ZNF613: variants seen among roughly 807,000 people sequenced by gnomAD.
The protein encoded by ZNF613 is zinc finger protein 613.
A neutral mutation model predicts 14.3 loss-of-function variants in ZNF613; 8 were observed. The observed-to-expected ratio is 0.56, with a 90% confidence interval of 0.33 to 1.01. ZNF613 has a LOEUF of 1.01. Among genes scored for constraint, ZNF613 ranks in the 50% least tolerant of loss-of-function variants. The pLI is 0.03. For missense variants in ZNF613, 656 were observed against 741.9 expected, an observed-to-expected ratio of 0.88 and a Z score of 1.35; for synonymous variants, 228 against 254.5, an observed-to-expected ratio of 0.90 and a Z score of 0.99.
intron 2 of ZNF613, among the ~76,000 whole-genome samples, chr19:51,931,520 T>A (rs910624094): frequency 6.6e-6 from 1 of 152,222 alleles, no homozygotes; most frequent in African/African-American, 2.4e-5. Context: ...CCAGAATAGT[T>A]AAAATAGTGA....
At chr19:51,936,734 C>G (rs1463695986) in intron 3 of ZNF613, among the ~76,000 whole-genome samples, 2 of 152,160 alleles carry the variant, frequency 1.3e-5, no homozygotes, top group Non-Finnish European at 2.9e-5. Context: ...ATCTGTCTCC[C>G]TTGGCCTCCC....
At chr19:51,941,849 T>G (rs1048667916) in intron 5 of ZNF613, among the ~76,000 whole-genome samples, 5 of 152,270 alleles carry the variant, frequency 3.3e-5, no homozygotes, top group African/African-American at 1.2e-4. Flanking sequence ...CAATTGATTT[T>G]TGAAGTAGTC....
intron 5 of ZNF613, among the ~76,000 whole-genome samples, chr19:51,940,913 A>AT (rs113907490): frequency 2.4e-4 from 36 of 152,028 alleles, no homozygotes; most frequent in African/African-American, 8.2e-4. Flanking sequence ...ATCACTGTTT[A>AT]TTTTTTATTT....
In ZNF613 at chr19:51,940,247, T is replaced by C. The variant is rs2122819951; in HGVS notation, c.54T>C (p.Thr18=). 6.2e-7 allele frequency: 1 copy of C among 1,613,804 alleles called. No homozygotes were observed. The highest frequency in any genetic ancestry group is 8.5e-7 in the Non-Finnish European group (1 of 1,179,830). ...LTLEDVAVEF[T]WEEWQLLGPA... ...TGGAGGATGTGGCTGTGGAGTTCAC[T>C]TGGGAGGAGTGGCAGCTCCTCGGCC... is the stretch of plus-strand genomic sequence containing the variant. Residue 18 remains threonine, a synonymous_variant, in exon 4 of 6, where the codon ACT becomes ACC. Coordinates refer to ENST00000293471, the MANE Select transcript of ZNF613 (RefSeq NM_001031721.4).
At chr19:51,933,449 T>A (rs1244811131) in intron 2 of ZNF613, among the ~76,000 whole-genome samples, 1 of 152,186 alleles carries the variant, frequency 6.6e-6, no homozygotes, top group Non-Finnish European at 1.5e-5. Flanking sequence ...ACAATTTTTT[T>A]ATTTTTATTT....
chr19:51,935,138 T>C (rs2085296252), intron 2 of ZNF613, among the ~76,000 whole-genome samples: 1 of 152,110 alleles, frequency 6.6e-6, no homozygotes, highest in Non-Finnish European at 1.5e-5. Flanking sequence ...GTGAGCCTCT[T>C]ACTTGAGTTT....
intron 3 of ZNF613, among the ~76,000 whole-genome samples, chr19:51,938,738 A>T (rs2122817351): frequency 6.9e-6 from 1 of 144,816 alleles, no homozygotes; most frequent in Non-Finnish European, 1.5e-5. Flanking sequence ...ATATATATAT[A>T]TATATATATA....
intron 5 of ZNF613, among the ~76,000 whole-genome samples, chr19:51,943,053 G>A (rs1167660902): frequency 6.6e-6 from 1 of 152,208 alleles, no homozygotes; most frequent in Non-Finnish European, 1.5e-5. Flanking sequence ...GTTTTGAGTA[G>A]AAGAGTGACA....
At chr19:51,934,514 T>A (rs894133710) in intron 2 of ZNF613, among the ~76,000 whole-genome samples, 1 of 152,208 alleles carries the variant, frequency 6.6e-6, no homozygotes, top group African/African-American at 2.4e-5. Flanking sequence ...TTATTTTATG[T>A]TTTTTAATTT....
intron 2 of ZNF613, among the ~76,000 whole-genome samples, chr19:51,932,628 G>C (rs2085275475): frequency 6.6e-6 from 1 of 151,910 alleles, no homozygotes; most frequent in South Asian, 2.1e-4. Context: ...TACCTAATCT[G>C]GGTATTTTAT....
At chr19:51,940,030 T>TATAG (rs2085334490) in intron 3 of ZNF613, among the ~76,000 whole-genome samples, 179 bp from the exon 4 acceptor site, 1 of 152,154 alleles carries the variant, frequency 6.6e-6, no homozygotes, top group African/African-American at 2.4e-5. Context: ...AGATTTTGAA[T>TATAG]ATAGATAGAT....
chr19:51,936,270 A>C (rs2085304632), intron 3 of ZNF613, 35 bp downstream of exon 3: 1 of 1,592,290 alleles, frequency 6.3e-7, no homozygotes, highest in Non-Finnish European at 8.5e-7. Context: ...TTCCTTCATC[A>C]CATGATTGAT....
chr19:51,936,171 C>A lies in ZNF613; in HGVS notation c.-50C>A. 1.3e-6 allele frequency: 2 copies of A among 1,585,754 alleles called. No individual in the cohort carries two copies. The highest frequency in any genetic ancestry group is 1.7e-6 in the Non-Finnish European group (2 of 1,166,038). Reference sequence around the variant, plus strand: ...AAATTGAGGGCAGCTCAAGGAGAGACTACAGACACAGCATCCTACTTACTG... The same window carrying A: ...AAATTGAGGGCAGCTCAAGGAGAGAATACAGACACAGCATCCTACTTACTG... On this transcript the variant is annotated 5_prime_UTR_variant, in exon 3 of 6. Coordinates refer to ENST00000293471, the MANE Select transcript of ZNF613 (RefSeq NM_001031721.4).
intron 2 of ZNF613, among the ~76,000 whole-genome samples, chr19:51,932,521 T>C (rs970073084): frequency 4.6e-5 from 7 of 151,886 alleles, no homozygotes; most frequent in Non-Finnish European, 7.4e-5. Flanking sequence ...AGTCTCGAAC[T>C]CCCGATCTCA....
At position 51,944,775 on chromosome 19, in the gene ZNF613, A is replaced by G; in HGVS notation, c.892A>G (p.Ile298Val). ...YICSDCGKGF[I>V]KKSRLINHQR... Reference sequence around the variant, plus strand: ...ATGCAGTGATTGTGGAAAAGGCTTCATCAAGAAGTCTCGGCTCATTAATCA... The same window carrying G: ...ATGCAGTGATTGTGGAAAAGGCTTCGTCAAGAAGTCTCGGCTCATTAATCA... The change falls in exon 6 of 6, where the codon ATC becomes GTC. Residue 298 changes from isoleucine (I) to valine (V), a missense_variant. Coordinates refer to ENST00000293471, the MANE Select transcript of ZNF613 (RefSeq NM_001031721.4). The G allele has an allele frequency of 6.2e-7, 1 of 1,613,648 alleles. No individual in the cohort carries two copies. The highest frequency in any genetic ancestry group is 8.5e-7 in the Non-Finnish European group (1 of 1,179,930).
chr19:51,944,731 C>T lies in ZNF613; in HGVS notation c.848C>T (p.Thr283Ile), dbSNP rs1464967628. ...CTCAATGCACACCAGAAAATTCATA[C>T]AGGAGAGAAGTCATATATATGCAGT... is the stretch of plus-strand genomic sequence containing the variant. Reference protein sequence around the residue: ...SQLNAHQKIHTGEKSYICSDC... With the variant: ...SQLNAHQKIHIGEKSYICSDC... Residue 283 changes from threonine (T) to isoleucine (I), a missense_variant, in exon 6 of 6, where the codon ACA becomes ATA. Coordinates refer to ENST00000293471, the MANE Select transcript of ZNF613 (RefSeq NM_001031721.4). The T allele has an allele frequency of 6.2e-7, 1 of 1,613,170 alleles. No homozygotes were observed. Among genetic ancestry groups the T allele is most frequent in the Non-Finnish European group, 8.5e-7 (1 of 1,179,858 alleles).
At position 51,944,417 on chromosome 19, in the gene ZNF613, C is replaced by T; in HGVS notation, c.534C>T (p.Phe178=). 3 of 1,607,696 alleles carry T rather than the reference C, an allele frequency of 1.9e-6. No homozygotes were observed. The highest frequency in any genetic ancestry group is 2.2e-5 in the East Asian group (1 of 44,714). The change falls in exon 6 of 6, where the codon TTC becomes TTT. Residue 178 remains phenylalanine, a synonymous_variant. Transcript: ENST00000293471. ...AACAATTTCATAATGAAATGAACTT[C>T]CCCGAAGGTGGAAATTCTGTGAATA... ...KHEQFHNEMN[F]PEGGNSVNTN... is the part of the protein sequence containing the mutation.
In ZNF613 at chr19:51,944,517, G is replaced by T. The variant is rs771713778; in HGVS notation, c.634G>T (p.Ala212Ser). ...CCATGTATGCACTGAGTGTGGGAAG[G>T]CTTTCCTCAAGAAGTCTCGCCTCAT... Reference protein sequence around the residue: ...KPHVCTECGKAFLKKSRLIYH... With the variant: ...KPHVCTECGKSFLKKSRLIYH... The change falls in exon 6 of 6, where the codon GCT becomes TCT. Residue 212 changes from alanine to serine, a missense_variant. By Grantham distance (99) the Ala-to-Ser change is moderately conservative. Coordinates refer to ENST00000293471, the MANE Select transcript of ZNF613 (RefSeq NM_001031721.4). 12 of 1,612,530 alleles carry T rather than the reference G, an allele frequency of 7.4e-6. No homozygotes were observed. Among genetic ancestry groups the T allele is most frequent in the Non-Finnish European group, 1.0e-5 (12 of 1,178,950 alleles).
At chr19:51,930,243 A>T (rs1234300114) in intron 2 of ZNF613, among the ~76,000 whole-genome samples, 1 of 150,984 alleles carries the variant, frequency 6.6e-6, no homozygotes, top group African/African-American at 2.4e-5. Context: ...ATCTTTTGTG[A>T]CTGGTTTCTT....
Sources: allele counts gnomAD v4.1 joint callset (sites outside exome capture counted in the v4.1 genomes callset), GRCh38; gene constraint gnomAD v4.1.1; transcripts MANE v1.5; gene names NCBI Gene and HGNC (gene_info 2026-07-23, HGNC 2026-07-21).